ZBTB21: variants seen among roughly 807,000 people sequenced by gnomAD.
ZBTB21 encodes the protein zinc finger and BTB domain-containing protein 21.
Under a neutral mutation model 39.8 loss-of-function variants are expected in ZBTB21, and 10 were observed. That is an observed-to-expected ratio of 0.25 (90% CI 0.16 to 0.43). ZBTB21 has a LOEUF of 0.43. ZBTB21 is among the 20% of genes least tolerant of loss of function. The probability of loss-of-function intolerance (pLI) is 1.00; values close to 1 mark genes in which losing one functional copy is unlikely to be tolerated. For missense variants in ZBTB21, 1,221 were observed against 1,296.3 expected (o/e 0.94, Z 0.89); for synonymous variants, 551 against 498.8 (o/e 1.10, Z -1.40).
intron 1 of ZBTB21, among the ~76,000 whole-genome samples, chr21:42,004,260 A>G (rs141753679): frequency 1.3e-5 from 2 of 152,200 alleles, no homozygotes; most frequent in African/African-American, 2.4e-5. Context: ...TCGGTCTCCC[A>G]AAGTGCTGGG....
intron 1 of ZBTB21, among the ~76,000 whole-genome samples, chr21:42,007,213 A>G (rs1234171480): frequency 6.6e-6 from 1 of 152,240 alleles, no homozygotes; most frequent in Non-Finnish European, 1.5e-5. Context: ...TCAACATGTT[A>G]TCTTCCACAA....
chr21:42,008,511 A>G (rs1291470999), intron 1 of ZBTB21, among the ~76,000 whole-genome samples: 1 of 143,718 alleles, frequency 7.0e-6, no homozygotes, highest in Non-Finnish European at 1.5e-5. Flanking sequence ...ATTGTACTCC[A>G]GCCTGGGGCA....
chr21:42,009,397 G>A (rs895512456), intron 1 of ZBTB21: 3 of 152,290 alleles, frequency 2.0e-5, no homozygotes, highest in Non-Finnish European at 2.9e-5. Flanking sequence ...GAGATGTGGC[G>A]GGGCTGCCGC....
At chr21:42,008,540 C>CAAAAAAAAAAAAAAAAAAAAAAAAAAAAA (rs68176203) in intron 1 of ZBTB21, among the ~76,000 whole-genome samples, 1 of 60,372 alleles carries the variant, frequency 1.7e-5, no homozygotes, top group African/African-American at 5.9e-5. Flanking sequence ...GAAACTCTGT[C>CAAAAAAAAAAAAAAAAAAAAAAAAAAAAA]AAAAAAAAAA....
At chr21:42,007,595 C>CAGCT (rs1376196901) in intron 1 of ZBTB21, among the ~76,000 whole-genome samples, 1 of 152,214 alleles carries the variant, frequency 6.6e-6, no homozygotes, top group Non-Finnish European at 1.5e-5. Context: ...CCCTAGCCAG[C>CAGCT]AGCTCAGTCA....
chr21:42,004,728 T>C (rs2065858800), intron 1 of ZBTB21, among the ~76,000 whole-genome samples: 2 of 152,046 alleles, frequency 1.3e-5, no homozygotes, highest in Non-Finnish European at 2.9e-5. Context: ...GTCCTAACCA[T>C]GATACTAGAA....
chr21:42,008,384 G>A (rs1033950608), intron 1 of ZBTB21, among the ~76,000 whole-genome samples: 1 of 147,166 alleles, frequency 6.8e-6, no homozygotes, highest in African/African-American at 2.5e-5. Flanking sequence ...TGGGCGATGT[G>A]GCGGAAGCCT....
chr21:41,993,909 C>A lies in ZBTB21; in HGVS notation c.187G>T (p.Glu63Ter). ...TGAAATACAGTTTGTGACTCATTTT[C>A]CTTATTTGTGAATAAACTCTGAAAG... The part of the protein sequence containing the change: ...EYFQSLFTNK[E>*]NESQTVFQLD... Residue 63 changes from glutamate (E) to a stop codon, truncating the protein, a stop_gained, in exon 3 of 3, where the codon GAA (glutamate) becomes TAA (stop). Transcript: ENST00000310826. LOFTEE classifies it low-confidence loss of function (END_TRUNC). 6.2e-7 allele frequency: 1 copy of A among 1,614,136 alleles called. No individual in the cohort carries two copies. Among genetic ancestry groups the A allele is most frequent in the Non-Finnish European group, 8.5e-7 (1 of 1,179,998 alleles).
intron 1 of ZBTB21, among the ~76,000 whole-genome samples, chr21:42,008,345 A>G: frequency 7.0e-6 from 1 of 142,816 alleles, no homozygotes; most frequent in Non-Finnish European, 1.5e-5. Context: ...GTCTCTACAA[A>G]AAAAAAAAAA....
chr21:41,992,509 C>A lies in ZBTB21; in HGVS notation c.1587G>T (p.Leu529Phe), dbSNP rs2065676064. The change falls in exon 3 of 3, where the codon TTG (leucine) becomes TTT (phenylalanine). Residue 529 changes from leucine (L) to phenylalanine (F), a missense_variant. Leu to Phe is a conservative substitution (Grantham distance 22, BLOSUM62 0). This residue lies in a region of ZBTB21 where 90 missense variants were observed against 133.1 expected (regional missense o/e 0.68). Coordinates refer to ENST00000310826, the MANE Select transcript of ZBTB21 (RefSeq NM_001098402.2). The surrounding 1 kb of genome is among the most constrained non-coding windows in gnomAD (Gnocchi z 4.1). ...LLDADFPDSD[L>F]NKDEFGELEG... is the part of the protein sequence containing the mutation. ...CCAACTCACCAAATTCGTCTTTATT[C>A]AAATCAGAATCTGGAAAATCTGCAT... 6.2e-7 allele frequency: 1 copy of A among 1,614,066 alleles called. No homozygotes were observed. Among genetic ancestry groups the A allele is most frequent in the African/African-American group, 1.3e-5 (1 of 74,920 alleles).
chr21:42,006,421 T>C (rs1280037832), intron 1 of ZBTB21, among the ~76,000 whole-genome samples: 15 of 141,918 alleles, frequency 1.1e-4, no homozygotes, highest in African/African-American at 3.1e-4. Context: ...AGAGCGAAAC[T>C]CCGTCTCAAA....
At position 41,994,031 on chromosome 21, in the gene ZBTB21, T is replaced by C. The variant is rs2065712446; in HGVS notation, c.65A>G (p.Glu22Gly). 6.2e-7 allele frequency: 1 copy of C among 1,614,166 alleles called. No homozygotes were observed. Among genetic ancestry groups the C allele is most frequent in the African/African-American group, 1.3e-5 (1 of 75,074 alleles). Residue 22 changes from glutamate to glycine, a missense_variant, in exon 3 of 3, where the codon GAG becomes GGG. By Grantham distance (98) the Glu-to-Gly change is moderately conservative. Around this residue, in one of 4 missense-constraint regions of ZBTB21, gnomAD observed 108 missense variants for 155.0 expected, o/e 0.70. Coordinates refer to ENST00000310826, the MANE Select transcript of ZBTB21 (RefSeq NM_001098402.2). ...HAISLLSALNEERLKGQLCDV... is the reference protein window; with the variant it reads ...HAISLLSALNGERLKGQLCDV... The stretch of plus-strand genomic sequence containing the variant: ...ACACAGCTGTCCTTTGAGACGCTCC[T>C]CATTCAGGGCACTTAGGAGAGAAAT...
intron 1 of ZBTB21, among the ~76,000 whole-genome samples, chr21:42,003,638 A>G (rs1432266878): frequency 6.6e-6 from 1 of 152,224 alleles, no homozygotes; most frequent in Non-Finnish European, 1.5e-5. Context: ...GGAAAGGCTC[A>G]TTAGAGCATT....
chr21:41,991,127 G>A lies in ZBTB21; in HGVS notation c.2969C>T (p.Pro990Leu). The change falls in exon 3 of 3, where the codon CCA (proline) becomes CTA (leucine). Residue 990 changes from proline (P) to leucine (L), a missense_variant. By Grantham distance (98) the Pro-to-Leu change is moderately conservative. Coordinates refer to ENST00000310826, the MANE Select transcript of ZBTB21 (RefSeq NM_001098402.2). The surrounding 1 kb of genome is among the most constrained non-coding windows in gnomAD (Gnocchi z 4.9). The stretch of plus-strand genomic sequence containing the variant: ...AGGCTGGATCTTGGGCAGTGGTGGT[G>A]GCGGTGGCAGAGGTGGTGGAGAGGG... Reference protein sequence around the residue: ...NSPSPPPLPPPPPLPKIQPLE... With the variant: ...NSPSPPPLPPLPPLPKIQPLE... The A allele has an allele frequency of 1.2e-6, 2 of 1,613,958 alleles. No individual in the cohort carries two copies. Among genetic ancestry groups the A allele is most frequent in the Non-Finnish European group, 1.7e-6 (2 of 1,179,882 alleles).
At chr21:42,006,137 A>G (rs1601657655) in intron 1 of ZBTB21, among the ~76,000 whole-genome samples, 1 of 152,222 alleles carries the variant, frequency 6.6e-6, no homozygotes, top group African/African-American at 2.4e-5. Flanking sequence ...TTTCTTAGCC[A>G]GGTGTGGTGG....
chr21:42,001,209 C>T (rs1484864528), intron 2 of ZBTB21, among the ~76,000 whole-genome samples: 1 of 152,182 alleles, frequency 6.6e-6, no homozygotes, highest in Non-Finnish European at 1.5e-5. Flanking sequence ...TTAACCCCTA[C>T]ACGACACTGC....
Position 41,992,155 on chromosome 21 carries a change from C to G in ZBTB21, c.1941G>C (p.Gln647His). ...GCTGTGCTTGGGAGCTACTCTGTCCCTGAAAACCAGGCTTGCCGCGCCTTA... is the reference window on the plus strand; with the variant it reads ...GCTGTGCTTGGGAGCTACTCTGTCCGTGAAAACCAGGCTTGCCGCGCCTTA... The part of the protein sequence containing the change: ...IKLRRGKPGF[Q>H]GQSSSQAQQV... Residue 647 changes from glutamine (Q) to histidine (H), a missense_variant, in exon 3 of 3, where the codon CAG (glutamine) becomes CAC (histidine). Gln to His is a conservative substitution (Grantham distance 24). Coordinates refer to ENST00000310826, the MANE Select transcript of ZBTB21 (RefSeq NM_001098402.2). The surrounding 1 kb of genome is among the most constrained non-coding windows in gnomAD (Gnocchi z 4.1). The G allele has an allele frequency of 6.2e-7, 1 of 1,614,208 alleles. No individual in the cohort carries two copies. Among genetic ancestry groups the G allele is most frequent in the South Asian group, 1.1e-5 (1 of 91,084 alleles).
At position 41,990,195 on chromosome 21, in the gene ZBTB21, A is replaced by G. The variant is rs967359091; in HGVS notation, c.*700T>C. ...AACTGACTGTAGGGGACTTCCATAA[A>G]TTGTTTTCATTTCCCAGGTCTTCCT... On this transcript the variant is annotated 3_prime_UTR_variant, in exon 3 of 3. Coordinates refer to ENST00000310826, the MANE Select transcript of ZBTB21 (RefSeq NM_001098402.2). 2.0e-5 allele frequency: 3 copies of G among 152,568 alleles called. No homozygotes were observed. Among genetic ancestry groups the G allele is most frequent in the African/African-American group, 7.2e-5 (3 of 41,442 alleles). The allele number at this position is 152,568 out of a possible 1,614,324, so 9.5% of individuals were successfully genotyped here. A position where few individuals can be genotyped will look rare whatever the true frequency, so the allele number is the denominator to read the frequency against.
intron 1 of ZBTB21, among the ~76,000 whole-genome samples, chr21:42,008,621 A>G (rs2065914743): frequency 1.3e-5 from 2 of 151,674 alleles, no homozygotes; most frequent in Non-Finnish European, 2.9e-5. Flanking sequence ...CCATCGAGAG[A>G]CCTTCTTAAC....
Sources: allele counts gnomAD v4.1 joint callset (sites outside exome capture counted in the v4.1 genomes callset), GRCh38; gene constraint gnomAD v4.1.1; regional missense constraint gnomAD v4.1.1; non-coding constraint Gnocchi (gnomAD v3.1); transcripts MANE v1.5; gene names NCBI Gene and HGNC (gene_info 2026-07-23, HGNC 2026-07-21).